The following RAB21 variants were observed in gnomAD, a reference collection of about 807,000 sequenced individuals.
RAB21 encodes the protein ras-related protein Rab-21.
A neutral mutation model predicts 33.1 loss-of-function variants in RAB21; 13 were observed. The observed-to-expected ratio is 0.39, with a 90% CI of 0.26 to 0.62. The LOEUF (loss-of-function observed/expected upper bound fraction) is 0.62, where lower values mean the gene tolerates loss of function less well. Ranked by LOEUF, RAB21 falls within the 20% of genes least tolerant of loss-of-function variation. The pLI, the probability that RAB21 is intolerant of heterozygous loss-of-function variation, is 0.48. For synonymous variants in RAB21, 91 were observed against 103.7 expected, an observed-to-expected ratio of 0.88 and a Z score of 0.74; for missense variants, 234 against 279.1, an observed-to-expected ratio of 0.84 and a Z score of 1.15.
Position 71,795,057 on chromosome 12 carries a change from A to G in RAB21, c.*9384A>G, listed in dbSNP as rs895501538. 7 of 152,094 alleles carry G rather than the reference A, an allele frequency of 4.6e-5. No individual in the cohort carries two copies. The highest frequency in any genetic ancestry group is 8.8e-5 in the Non-Finnish European group (6 of 68,008). 9.4% of individuals were successfully genotyped at this position (152,094 alleles called of 1,614,324 possible). On this transcript the variant is annotated 3_prime_UTR_variant, in exon 7 of 7. Transcript: ENST00000261263. ...ATAAGATTATTGAAAATTGGGGGGA[A>G]TTTTCTTAAATATGGAACTAAGAGC...
At chr12:71,774,065 C>A in intron 4 of RAB21, 43 bp downstream of exon 4, 1 of 1,360,846 alleles carries the variant, frequency 7.3e-7, no homozygotes, top group Non-Finnish European at 1.0e-6. Flanking sequence ...TCCTCTGTTT[C>A]CTTAATGTTT....
intron 4 of RAB21, among the ~76,000 whole-genome samples, chr12:71,777,249 A>G (rs1883134768): frequency 1.3e-5 from 2 of 152,006 alleles, no homozygotes; most frequent in Admixed American, 6.6e-5. Context: ...TATCCTTTTT[A>G]CTGCATGAAT....
intron 4 of RAB21, among the ~76,000 whole-genome samples, chr12:71,776,808 G>A (rs1047729754): frequency 6.6e-6 from 1 of 151,488 alleles, no homozygotes; most frequent in Non-Finnish European, 1.5e-5. Context: ...TTTGGGCCTC[G>A]TTACAGATAC....
intron 1 of RAB21, among the ~76,000 whole-genome samples, chr12:71,760,679 G>T (rs1014120766): frequency 1.3e-5 from 2 of 152,080 alleles, no homozygotes; most frequent in African/African-American, 4.8e-5. Context: ...TCAATTTGGT[G>T]TGCCTTCTTT....
chr12:71,767,427 A>C (rs1215355719), intron 1 of RAB21, among the ~76,000 whole-genome samples: 3 of 152,176 alleles, frequency 2.0e-5, no homozygotes, highest in Non-Finnish European at 2.9e-5. Flanking sequence ...ATGTTCAAGC[A>C]TACTTATTAA....
intron 6 of RAB21, among the ~76,000 whole-genome samples, chr12:71,783,405 T>C (rs1016711577): frequency 6.6e-6 from 1 of 151,874 alleles, no homozygotes; most frequent in Admixed American, 6.6e-5. Context: ...TTTGAGAATT[T>C]GATGAAATCA....
At position 71,754,943 on chromosome 12, in the gene RAB21, TG is replaced by T; in HGVS notation, c.-183del. On this transcript the variant is annotated 5_prime_UTR_variant, in exon 1 of 7. Coordinates refer to ENST00000261263, the MANE Select transcript of RAB21 (RefSeq NM_014999.4). ...TCCTCCGGTGCCTGACGTGGTGGGC[TG>T]GGGCCCTTCATTCTCGGACTTTCCC... The T allele has an allele frequency of 5.6e-6, 2 of 359,658 alleles. No homozygotes were observed. Among genetic ancestry groups the T allele is most frequent in the Non-Finnish European group, 7.8e-6 (2 of 255,274 alleles). 22.3% of individuals were successfully genotyped at this position (359,658 alleles called of 1,614,324 possible). A position where few individuals can be genotyped will look rare whatever the true frequency, so the allele number is the denominator to read the frequency against.
Position 71,794,380 on chromosome 12 carries a change from A to G in RAB21, c.*8707A>G, listed in dbSNP as rs1245028629. 7.0e-6 allele frequency: 1 copy of G among 143,038 alleles called. No individual in the cohort carries two copies. Among genetic ancestry groups the G allele is most frequent in the Non-Finnish European group, 1.5e-5 (1 of 65,812 alleles). The allele number at this position is 143,038 out of a possible 1,614,324, so 8.9% of individuals were successfully genotyped here. ...GTGAAACCCTGTCTCTACTAAAAAC[A>G]AAACAAAACAAAACCATATATATAT... On this transcript the variant is annotated 3_prime_UTR_variant, in exon 7 of 7. Transcript: ENST00000261263.
intron 4 of RAB21, among the ~76,000 whole-genome samples, chr12:71,780,422 A>G (rs980372306): frequency 6.6e-6 from 1 of 152,204 alleles, no homozygotes; most frequent in Non-Finnish European, 1.5e-5. Context: ...TGCTTTTTGC[A>G]TTCTTTACAG....
intron 3 of RAB21, among the ~76,000 whole-genome samples, chr12:71,771,666 T>C (rs1485118347): frequency 2.0e-5 from 3 of 152,164 alleles, no homozygotes; most frequent in Non-Finnish European, 4.4e-5. Context: ...AGACATAGTT[T>C]AAGTATTTTA....
intron 1 of RAB21, among the ~76,000 whole-genome samples, chr12:71,762,127 A>G (rs1257081652): frequency 1.3e-5 from 2 of 152,194 alleles, no homozygotes; most frequent in Non-Finnish European, 2.9e-5. Flanking sequence ...ACAAATTTCT[A>G]TATCTGACTG....
intron 1 of RAB21, among the ~76,000 whole-genome samples, chr12:71,763,298 G>A (rs1196832573): frequency 1.3e-5 from 2 of 151,944 alleles, no homozygotes; most frequent in African/African-American, 4.8e-5. Flanking sequence ...TAGGTGGTTT[G>A]CTTTGACAGA....
At chr12:71,771,154 T>C (rs1172721686) in intron 3 of RAB21, among the ~76,000 whole-genome samples, 1 of 152,202 alleles carries the variant, frequency 6.6e-6, no homozygotes, top group Non-Finnish European at 1.5e-5. Flanking sequence ...GCTTTCTCCT[T>C]GCCAAATATA....
At chr12:71,773,844 A>G in intron 3 of RAB21, 115 bp from the exon 4 acceptor site, 2 of 688,462 alleles carry the variant, frequency 2.9e-6, no homozygotes, top group Non-Finnish European at 4.9e-6. Context: ...TAATAACTAA[A>G]TAATATAGAC....
At position 71,795,381 on chromosome 12, in the gene RAB21, G is replaced by GAA. The variant is rs1460405871; in HGVS notation, c.*9710_*9711dup. 1 of 91,356 alleles carries GAA rather than the reference G, an allele frequency of 1.1e-5. No homozygotes were observed. Among genetic ancestry groups the GAA allele is most frequent in the East Asian group, 7.6e-4 (1 of 1,308 alleles). The allele number at this position is 91,356 out of a possible 1,614,324, so 5.7% of individuals were successfully genotyped here. Reference sequence around the variant, plus strand: ...AAAACCTTATATTTAATAAAATGGAGAAATTTGGGAATGTCCCTAGCGTAA... The same window carrying GAA: ...AAAACCTTATATTTAATAAAATGGAGAAAAATTTGGGAATGTCCCTAGCGTAA... On this transcript the variant is annotated 3_prime_UTR_variant, in exon 7 of 7. Coordinates refer to ENST00000261263, the MANE Select transcript of RAB21 (RefSeq NM_014999.4).
At chr12:71,765,640 A>G (rs1263590160) in intron 1 of RAB21, among the ~76,000 whole-genome samples, 1 of 151,998 alleles carries the variant, frequency 6.6e-6, no homozygotes, top group Non-Finnish European at 1.5e-5. Flanking sequence ...AAGGTGAGAG[A>G]TGAGGATCCA....
rs537984428 is a variant in RAB21 at position 71,789,707 on chromosome 12, T to A, written c.*4034T>A. 6.6e-6 allele frequency: 1 copy of A among 152,270 alleles called. No homozygotes were observed. Among genetic ancestry groups the A allele is most frequent in the South Asian group, 2.1e-4 (1 of 4,828 alleles). The allele number at this position is 152,270 out of a possible 1,614,324, so 9.4% of individuals were successfully genotyped here. A position where few individuals can be genotyped will look rare whatever the true frequency, so the allele number is the denominator to read the frequency against. ...GGCTTTAATAGTTAAAAGCTGGAAT[T>A]TATTGAACCGCATCTACTTGATTTC... On this transcript the variant is annotated 3_prime_UTR_variant, in exon 7 of 7. Transcript: ENST00000261263.
chr12:71,773,881 G>T, intron 3 of RAB21, 78 bp from the exon 4 acceptor site: 1 of 943,560 alleles, frequency 1.1e-6, no homozygotes, highest in South Asian at 1.5e-5. Flanking sequence ...TATTTTGACA[G>T]TGTTGAGTTT....
chr12:71,772,392 T>A (rs1439636773), intron 3 of RAB21, among the ~76,000 whole-genome samples: 1 of 152,226 alleles, frequency 6.6e-6, no homozygotes, highest in African/African-American at 2.4e-5. Context: ...TGCCACATTC[T>A]CTTGTCAAAG....
Sources: allele counts gnomAD v4.1 joint callset (sites outside exome capture counted in the v4.1 genomes callset), GRCh38; gene constraint gnomAD v4.1.1; transcripts MANE v1.5; gene names NCBI Gene and HGNC (gene_info 2026-07-23, HGNC 2026-07-21).